SH3PXD2B: variants seen among roughly 807,000 people sequenced by gnomAD.
SH3PXD2B encodes the protein SH3 and PX domain-containing protein 2B.
SH3PXD2B carries 37 observed loss-of-function variants against 73.1 expected under a neutral mutation model. That is an observed-to-expected ratio of 0.51 (90% CI 0.39 to 0.67). SH3PXD2B has a LOEUF of 0.67. Among genes scored for constraint, SH3PXD2B ranks in the 30% least tolerant of loss-of-function variants. The pLI, the probability that SH3PXD2B is intolerant of heterozygous loss-of-function variation, is 0.00. For synonymous variants in SH3PXD2B, 457 were observed against 480.5 expected (o/e 0.95, Z 0.64); for missense variants, 1,053 against 1,197.8 (o/e 0.88, Z 1.78).
At chr5:172,423,125 C>T (rs1033614693) in intron 1 of SH3PXD2B, among the ~76,000 whole-genome samples, 2 of 152,182 alleles carry the variant, frequency 1.3e-5, no homozygotes, top group African/African-American at 4.8e-5. Flanking sequence ...CTGTGTCACA[C>T]GTCACGGCAC....
chr5:172,450,592 T>C (rs1212789273), intron 1 of SH3PXD2B, among the ~76,000 whole-genome samples: 1 of 152,110 alleles, frequency 6.6e-6, no homozygotes, highest in African/African-American at 2.4e-5. Context: ...GCCATAAATA[T>C]TCCGACCATC....
chr5:172,367,982 T>G (rs902236861), intron 6 of SH3PXD2B, among the ~76,000 whole-genome samples: 11 of 152,236 alleles, frequency 7.2e-5, no homozygotes, highest in African/African-American at 2.7e-4. Context: ...AAAGTTCAAT[T>G]GTTTAAGTCA....
intron 4 of SH3PXD2B, among the ~76,000 whole-genome samples, chr5:172,384,930 T>C (rs1202846210): frequency 2.0e-5 from 3 of 152,028 alleles, no homozygotes; most frequent in African/African-American, 7.2e-5. Flanking sequence ...TTCTGAGGGG[T>C]GACTAAAGGG....
Position 172,421,915 on chromosome 5 carries a change from C to T in SH3PXD2B, c.156+501G>A, listed in dbSNP as rs935282777. The stretch of plus-strand genomic sequence containing the variant: ...TCCATTCTGGAGCAGTTAACAGGCA[C>T]CCTTTCTCTTATGGAGGAAATATGA... On this transcript the variant is annotated intron_variant, in intron 2 of 12. Coordinates refer to ENST00000311601, the MANE Select transcript of SH3PXD2B (RefSeq NM_001017995.3). The surrounding 1 kb of genome is among the most constrained non-coding windows in gnomAD (Gnocchi z 4.0). 6.6e-6 allele frequency among the ~76,000 whole-genome samples: 1 copy of T among 152,216 alleles called. No homozygotes were observed. The highest frequency in any genetic ancestry group is 2.4e-5 in the African/African-American group (1 of 41,452).
At chr5:172,399,955 G>A (rs765599092) in intron 3 of SH3PXD2B, among the ~76,000 whole-genome samples, 8 of 152,130 alleles carry the variant, frequency 5.3e-5, no homozygotes, top group Non-Finnish European at 8.8e-5. Flanking sequence ...AGCTACAGAT[G>A]ACTGTTGCCC....
chr5:172,430,919 T>G (rs1759223222), intron 1 of SH3PXD2B, among the ~76,000 whole-genome samples: 1 of 151,932 alleles, frequency 6.6e-6, no homozygotes, highest in South Asian at 2.1e-4. Context: ...CAGGCTGGAG[T>G]GCAGTGGTGC....
At chr5:172,347,386 C>T (rs749652384) in intron 10 of SH3PXD2B, 54 bp from the exon 11 acceptor site, 17 of 1,590,276 alleles carry the variant, frequency 1.1e-5, no homozygotes, top group Non-Finnish European at 1.4e-5. Context: ...GATTCCTGAG[C>T]TGGGTGCCAG....
At chr5:172,371,018 G>A (rs1451631110) in intron 6 of SH3PXD2B, among the ~76,000 whole-genome samples, 1 of 152,144 alleles carries the variant, frequency 6.6e-6, no homozygotes, top group Non-Finnish European at 1.5e-5. Flanking sequence ...AGAGAAGAGG[G>A]GATGAGAAAG....
chr5:172,420,805 G>A (rs1758947804), intron 2 of SH3PXD2B, among the ~76,000 whole-genome samples: 1 of 152,142 alleles, frequency 6.6e-6, no homozygotes, highest in South Asian at 2.1e-4. Flanking sequence ...ACCCTTTCCT[G>A]CTGGGTGTGA....
At chr5:172,428,352 G>A (rs544762851) in intron 1 of SH3PXD2B, among the ~76,000 whole-genome samples, 1 of 152,190 alleles carries the variant, frequency 6.6e-6, no homozygotes, top group Non-Finnish European at 1.5e-5. Context: ...CCACTAACGA[G>A]GCAAAGTGAA....
chr5:172,363,236 C>T (rs761629392), intron 6 of SH3PXD2B, among the ~76,000 whole-genome samples: 4 of 152,130 alleles, frequency 2.6e-5, no homozygotes, highest in Admixed American at 6.5e-5. Flanking sequence ...ATCTATCTGC[C>T]GTCCATTCAA....
intron 4 of SH3PXD2B, among the ~76,000 whole-genome samples, chr5:172,386,259 C>G (rs752737344): frequency 2.0e-5 from 3 of 152,208 alleles, no homozygotes; most frequent in Non-Finnish European, 2.9e-5. Context: ...TGTATGGTTT[C>G]CATCATATAT....
At chr5:172,420,587 C>T (rs1190046125) in intron 2 of SH3PXD2B, among the ~76,000 whole-genome samples, 3 of 152,202 alleles carry the variant, frequency 2.0e-5, no homozygotes, top group Admixed American at 6.5e-5. Context: ...TTCTGACGGC[C>T]AGGAAATGTT....
At chr5:172,444,900 C>T (rs922675291) in intron 1 of SH3PXD2B, among the ~76,000 whole-genome samples, 4 of 152,316 alleles carry the variant, frequency 2.6e-5, no homozygotes, top group African/African-American at 7.2e-5. Context: ...GGGACCATGC[C>T]TTCTCTCCTG....
At chr5:172,348,324 G>A (rs1581265101) in intron 10 of SH3PXD2B, among the ~76,000 whole-genome samples, 1 of 152,012 alleles carries the variant, frequency 6.6e-6, no homozygotes, top group South Asian at 2.1e-4. Flanking sequence ...GGATGGGAAA[G>A]CAACGCCTTT....
At chr5:172,373,618 A>C (rs1014614615) in intron 6 of SH3PXD2B, among the ~76,000 whole-genome samples, 172 bp downstream of exon 6, 1 of 151,552 alleles carries the variant, frequency 6.6e-6, no homozygotes, top group Non-Finnish European at 1.5e-5. Context: ...CCATCCATCC[A>C]TCCCTCCACC....
At chr5:172,343,808 GA>G (rs373283592) in intron 12 of SH3PXD2B, among the ~76,000 whole-genome samples, 2,327 of 138,444 alleles carry the variant, frequency 0.017, 39 homozygotes, top group African/African-American at 0.057. Flanking sequence ...CCGTCTCAAA[GA>G]AAAAAAAAAA....
chr5:172,375,384 A>G (rs1474991698), intron 5 of SH3PXD2B, among the ~76,000 whole-genome samples: 1 of 152,118 alleles, frequency 6.6e-6, no homozygotes, highest in Non-Finnish European at 1.5e-5. Context: ...ACAAACAAAC[A>G]AAACCCATCC....
Position 172,353,438 on chromosome 5 carries a change from C to T in SH3PXD2B, c.785+450G>A, listed in dbSNP as rs1757202103. 6.6e-6 allele frequency among the ~76,000 whole-genome samples: 1 copy of T among 152,220 alleles called. No homozygotes were observed. Among genetic ancestry groups the T allele is most frequent in the Admixed American group, 6.5e-5 (1 of 15,282 alleles). On this transcript the variant is annotated intron_variant, in intron 9 of 12. Coordinates refer to ENST00000311601, the MANE Select transcript of SH3PXD2B (RefSeq NM_001017995.3). The surrounding 1 kb of genome is among the most constrained non-coding windows in gnomAD (Gnocchi z 4.3). ...AGGGCTGTGAAAGGTGTTTGGAATG[C>T]AGACGCCCTGCTTTTACCATTGGAC...
Sources: allele counts gnomAD v4.1 joint callset (sites outside exome capture counted in the v4.1 genomes callset), GRCh38; gene constraint gnomAD v4.1.1; non-coding constraint Gnocchi (gnomAD v3.1); transcripts MANE v1.5; gene names NCBI Gene and HGNC (gene_info 2026-07-23, HGNC 2026-07-21).